The following ADAM18 variants were observed in gnomAD, a reference collection of about 807,000 sequenced individuals.
The protein encoded by ADAM18 is ADAM metallopeptidase domain 18.
ADAM18 carries 117 observed loss-of-function variants against 94.4 expected under a neutral mutation model. The ratio of observed to expected loss-of-function variants is 1.24; its 90% CI spans 1.07 to 1.45. The LOEUF (loss-of-function observed/expected upper bound fraction) is 1.45. Among genes scored for constraint, ADAM18 ranks in the 40% most tolerant of loss-of-function variants. ADAM18 has a pLI of 0.00. For missense variants in ADAM18, 936 were observed against 880.0 expected (o/e 1.06, Z -0.81); for synonymous variants, 327 against 291.6 (o/e 1.12, Z -1.24).
intron 14 of ADAM18, among the ~76,000 whole-genome samples, chr8:39,670,039 T>C (rs1318317923): frequency 1.3e-5 from 2 of 152,224 alleles, no homozygotes; most frequent in African/African-American, 2.4e-5. Context: ...TCATTGTGGG[T>C]TTGATTTGCA....
intron 7 of ADAM18, among the ~76,000 whole-genome samples, chr8:39,633,827 C>T (rs547032700): frequency 1.4e-5 from 2 of 144,206 alleles, no homozygotes; most frequent in African/African-American, 5.2e-5. Flanking sequence ...CAGCCTTGCC[C>T]TGTAAAAAAA....
chr8:39,674,351 G>A (rs1821239887), intron 14 of ADAM18, among the ~76,000 whole-genome samples: 1 of 152,172 alleles, frequency 6.6e-6, no homozygotes, highest in South Asian at 2.1e-4. Flanking sequence ...AGTTCTTCTT[G>A]TTGAATTGAT....
intron 10 of ADAM18, 61 bp downstream of exon 10, chr8:39,638,607 G>T: frequency 9.5e-7 from 1 of 1,047,326 alleles, no homozygotes; most frequent in Non-Finnish European, 1.3e-6. Flanking sequence ...TATTTTGTAA[G>T]TATTAATTTA....
intron 18 of ADAM18, among the ~76,000 whole-genome samples, chr8:39,713,434 A>G (rs1419985392): frequency 2.0e-5 from 3 of 152,216 alleles, no homozygotes; most frequent in African/African-American, 7.2e-5. Context: ...GCCAAAATAG[A>G]CAAATTGGAT....
intron 18 of ADAM18, among the ~76,000 whole-genome samples, chr8:39,708,344 T>G (rs995436870): frequency 1.3e-5 from 2 of 152,082 alleles, no homozygotes; most frequent in African/African-American, 4.8e-5. Flanking sequence ...CAAATGTCAT[T>G]CAACAAAATT....
chr8:39,643,254 A>G (rs1820282750), intron 10 of ADAM18, among the ~76,000 whole-genome samples: 1 of 151,896 alleles, frequency 6.6e-6, no homozygotes, highest in Non-Finnish European at 1.5e-5. Flanking sequence ...TCTTCTTTGG[A>G]TGCCTTCTTT....
chr8:39,616,737 C>A (rs1416608956), intron 6 of ADAM18, among the ~76,000 whole-genome samples: 1 of 152,102 alleles, frequency 6.6e-6, no homozygotes, highest in Non-Finnish European at 1.5e-5. Flanking sequence ...ATCTTATCTT[C>A]AACAGCATTA....
At chr8:39,696,725 T>A (rs1021647113) in intron 17 of ADAM18, among the ~76,000 whole-genome samples, 1 of 151,606 alleles carries the variant, frequency 6.6e-6, no homozygotes, top group African/African-American at 2.4e-5. Context: ...TTTGTCTATA[T>A]GTCTGTCTTC....
rs1820148561 is a variant in ADAM18, at chr8:39,638,488, T to G, written c.851T>G (p.Val284Gly). 3 of 1,570,680 alleles carry G rather than the reference T, an allele frequency of 1.9e-6. No individual in the cohort carries two copies. Among genetic ancestry groups the G allele is most frequent in the Non-Finnish European group, 2.6e-6 (3 of 1,156,858 alleles). The change falls in exon 10 of 20, where the codon GTG (valine) becomes GGG (glycine). Residue 284 changes from valine to glycine, a missense_variant. Coordinates refer to ENST00000265707, the MANE Select transcript of ADAM18 (RefSeq NM_014237.3). ...AGTTACAGGAAACATCCTAAATATG[T>G]GGGAGCAACATTTCCTGGCACTGTA... Reference protein sequence around the residue: ...LLVYRKHPKYVGATFPGTVCN... With the variant: ...LLVYRKHPKYGGATFPGTVCN...
chr8:39,720,360 T>A (rs896115744), intron 18 of ADAM18, among the ~76,000 whole-genome samples: 1 of 151,458 alleles, frequency 6.6e-6, no homozygotes, highest in Admixed American at 6.6e-5. Flanking sequence ...GGATTATGGA[T>A]ATATGCATTG....
intron 16 of ADAM18, among the ~76,000 whole-genome samples, chr8:39,684,209 A>G (rs1821546375): frequency 2.0e-5 from 3 of 152,220 alleles, no homozygotes; most frequent in Admixed American, 6.5e-5. Context: ...ATAATTATAC[A>G]TCTGTGAAAT....
chr8:39,607,845 A>G (rs1219636132), intron 3 of ADAM18, among the ~76,000 whole-genome samples: 1 of 146,982 alleles, frequency 6.8e-6, no homozygotes, highest in Non-Finnish European at 1.5e-5. Context: ...ATATTCAATC[A>G]TCTGGTTGTT....
chr8:39,614,462 C>T (rs183586416), intron 6 of ADAM18, among the ~76,000 whole-genome samples: 213 of 152,106 alleles, frequency 1.4e-3, no homozygotes, highest in Non-Finnish European at 2.6e-3. Flanking sequence ...TACAAGAGGC[C>T]CTTAAGGGAA....
intron 16 of ADAM18, among the ~76,000 whole-genome samples, chr8:39,690,497 A>G (rs939205644): frequency 2.6e-5 from 4 of 152,136 alleles, no homozygotes; most frequent in Non-Finnish European, 4.4e-5. Flanking sequence ...TAATCTTCAT[A>G]TGGCATATAC....
rs866815903 is a variant in ADAM18 at position 39,596,902 on chromosome 8, C to T, written c.133-9405C>T. ...GTAATAATATTTTATTTTTAATTTGCAATTCCTTAATAATGTATAAGGATT... is the reference window on the plus strand; with the variant it reads ...GTAATAATATTTTATTTTTAATTTGTAATTCCTTAATAATGTATAAGGATT... On this transcript the variant is annotated intron_variant, in intron 2 of 19. Transcript: ENST00000265707. Among the ~76,000 whole-genome samples the T allele has an allele frequency of 9.9e-5, 15 of 152,166 alleles. No homozygotes were observed. The Middle Eastern group carries it at 0.017, about 173-fold the overall frequency.
At chr8:39,611,432 A>AC (rs377386775) in intron 6 of ADAM18, 2 of 984,456 alleles carry the variant, frequency 2.0e-6, no homozygotes, top group Non-Finnish European at 1.2e-6. Flanking sequence ...TGAAAAAAAA[A>AC]ATCCCATGAA....
At chr8:39,587,512 T>C (rs1236057065) in intron 2 of ADAM18, among the ~76,000 whole-genome samples, 1 of 152,192 alleles carries the variant, frequency 6.6e-6, no homozygotes, top group East Asian at 1.9e-4. Flanking sequence ...TGGTGTGATC[T>C]TGGCTCACTG....
chr8:39,686,743 CAG>C (rs1221255759), intron 16 of ADAM18, among the ~76,000 whole-genome samples: 3 of 152,180 alleles, frequency 2.0e-5, no homozygotes, highest in Admixed American at 6.5e-5. Context: ...TTTTCAGACT[CAG>C]ATATTTTTTA....
intron 14 of ADAM18, among the ~76,000 whole-genome samples, 193 bp downstream of exon 14, chr8:39,668,389 T>C (rs934635804): frequency 4.6e-5 from 7 of 152,300 alleles, no homozygotes; most frequent in East Asian, 3.9e-4. Context: ...ATTATTTTTA[T>C]TGTGGTTTGA....
Sources: allele counts gnomAD v4.1 joint callset (sites outside exome capture counted in the v4.1 genomes callset), GRCh38; gene constraint gnomAD v4.1.1; transcripts MANE v1.5; gene names NCBI Gene and HGNC (gene_info 2026-07-23, HGNC 2026-07-21).